The following SLC24A3 variants were observed in gnomAD, a reference collection of about 807,000 sequenced individuals.
The protein encoded by SLC24A3 is sodium/potassium/calcium exchanger 3.
SLC24A3 carries 28 observed loss-of-function variants against 75.8 expected under a neutral mutation model. The observed-to-expected ratio is 0.37, with a 90% CI of 0.27 to 0.51. The LOEUF (loss-of-function observed/expected upper bound fraction) is 0.51, where lower values mean the gene tolerates loss of function less well. SLC24A3 is among the 20% of genes least tolerant of loss of function. The probability of loss-of-function intolerance (pLI) is 0.94; values close to 1 mark genes in which losing one functional copy is unlikely to be tolerated. For missense variants in SLC24A3, 663 were observed against 847.8 expected (o/e 0.78, Z 2.71); for synonymous variants, 372 against 334.1 (o/e 1.11, Z -1.24).
intron 3 of SLC24A3, among the ~76,000 whole-genome samples, chr20:19,531,264 T>C (rs1458291865): frequency 6.6e-6 from 1 of 152,220 alleles, no homozygotes; most frequent in Non-Finnish European, 1.5e-5. Flanking sequence ...GAAGTTTTTC[T>C]AGAAGTTCCA....
intron 3 of SLC24A3, among the ~76,000 whole-genome samples, chr20:19,553,614 G>A (rs1016094284): frequency 6.6e-6 from 1 of 152,164 alleles, no homozygotes; most frequent in Non-Finnish European, 1.5e-5. Flanking sequence ...CTGGTGAGGT[G>A]TGTAAAACTA....
chr20:19,220,275 T>C (rs1317953802), intron 1 of SLC24A3, among the ~76,000 whole-genome samples: 1 of 152,248 alleles, frequency 6.6e-6, no homozygotes, highest in Non-Finnish European at 1.5e-5. Context: ...TCAGCTCATC[T>C]GTGACCTAAT....
intron 6 of SLC24A3, among the ~76,000 whole-genome samples, chr20:19,621,590 C>G (rs770811114): frequency 2.5e-4 from 38 of 152,160 alleles, no homozygotes; most frequent in Non-Finnish European, 2.8e-4. Context: ...CTTTTTACTT[C>G]TAGACCAATG....
In SLC24A3 at chr20:19,212,875, TCGCCGC is replaced by T. The variant is rs761595384; in HGVS notation, c.51_56del (p.Arg19_Arg20del). ...CGTCCGGCGACGAGGACCGCGCGCGTCGCCGCCGCCGCCGCCGCCGCCGGAGGGACC... is the reference window on the plus strand; with the variant it reads ...CGTCCGGCGACGAGGACCGCGCGCGTCGCCGCCGCCGCCGCCGGAGGGACC... On this transcript the variant is annotated inframe_deletion, in exon 1 of 17. Transcript: ENST00000328041. 1.3e-4 allele frequency: 167 copies of T among 1,254,382 alleles called. No individual in the cohort carries two copies. Among genetic ancestry groups the T allele is most frequent in the Middle Eastern group, 9.0e-4 (3 of 3,328 alleles). 77.7% of individuals were successfully genotyped at this position (1,254,382 alleles called of 1,614,324 possible).
rs149860403 is a variant in SLC24A3 at position 19,290,600 on chromosome 20, C to A, written c.271+9513C>A. ...CTGCTGGCATCTTGATCTTGGACTT[C>A]CCAGCCTTCAGAGCTGTGAGAAATA... On this transcript the variant is annotated intron_variant, in intron 2 of 16. Transcript: ENST00000328041. 2.0e-5 allele frequency among the ~76,000 whole-genome samples: 3 copies of A among 152,268 alleles called. No individual in the cohort carries two copies. The East Asian group carries it at 5.8e-4, about 29-fold the overall frequency.
intron 2 of SLC24A3, among the ~76,000 whole-genome samples, chr20:19,402,883 C>T (rs1212343269): frequency 1.3e-5 from 2 of 152,168 alleles, no homozygotes; most frequent in African/African-American, 4.8e-5. Flanking sequence ...ATGGTCTGCC[C>T]CAGTGGTGTC....
intron 3 of SLC24A3, among the ~76,000 whole-genome samples, chr20:19,566,086 C>T (rs1205558975): frequency 1.3e-5 from 2 of 152,192 alleles, no homozygotes; most frequent in Non-Finnish European, 2.9e-5. Context: ...CCAGGTACTG[C>T]TCTGGAACTA....
At chr20:19,354,593 T>TAA (rs1985641123) in intron 2 of SLC24A3, among the ~76,000 whole-genome samples, 1 of 124,710 alleles carries the variant, frequency 8.0e-6, no homozygotes, top group African/African-American at 4.0e-5. Context: ...TGTGTATGTG[T>TAA]GTGTGTGTGT....
chr20:19,347,770 A>T (rs1394781227), intron 2 of SLC24A3, among the ~76,000 whole-genome samples: 1 of 152,158 alleles, frequency 6.6e-6, no homozygotes, highest in Non-Finnish European at 1.5e-5. Context: ...GGGGCTGGTC[A>T]CTCTGTGTTT....
At chr20:19,671,459 G>T (rs534857557) in intron 8 of SLC24A3, among the ~76,000 whole-genome samples, 2 of 152,186 alleles carry the variant, frequency 1.3e-5, no homozygotes, top group Non-Finnish European at 2.9e-5. Flanking sequence ...AGTGAAAAAT[G>T]ACCTAGGGAG....
chr20:19,440,760 AGAAGAAC>A (rs377276259), intron 2 of SLC24A3, among the ~76,000 whole-genome samples: 94 of 152,028 alleles, frequency 6.2e-4, no homozygotes, highest in Middle Eastern at 3.4e-3. Flanking sequence ...CAGCAGAGGA[AGAAGAAC>A]GATGAGAGTG....
At chr20:19,325,263 A>C (rs114775921) in intron 2 of SLC24A3, among the ~76,000 whole-genome samples, 3,124 of 150,934 alleles carry the variant, frequency 0.021, 102 homozygotes, top group African/African-American at 0.073. Context: ...TCTGCACTAC[A>C]AAATAATAAT....
intron 1 of SLC24A3, among the ~76,000 whole-genome samples, chr20:19,214,330 GT>G (rs773481156): frequency 8.5e-5 from 13 of 152,184 alleles, no homozygotes; most frequent in Non-Finnish European, 1.6e-4. Context: ...CCGTGCCGGT[GT>G]GAGGGAAGCA....
chr20:19,404,494 G>A (rs956518332), intron 2 of SLC24A3, among the ~76,000 whole-genome samples: 3 of 152,198 alleles, frequency 2.0e-5, no homozygotes, highest in Admixed American at 6.5e-5. Flanking sequence ...CAGGAAACAA[G>A]AAATCCCCTG....
At chr20:19,673,810 A>G (rs1406971) in intron 9 of SLC24A3, among the ~76,000 whole-genome samples, 156 bp downstream of exon 9, 103,463 of 141,366 alleles carry the variant, frequency 0.73, 35,253 homozygotes, top group East Asian at 0.82. Flanking sequence ...GAGTCACTGT[A>G]ATTTTGATTA....
chr20:19,457,727 G>A (rs1303684977), intron 2 of SLC24A3, among the ~76,000 whole-genome samples: 1 of 152,290 alleles, frequency 6.6e-6, no homozygotes, highest in South Asian at 2.1e-4. Context: ...TTCCATTTGA[G>A]GACTCACATT....
chr20:19,239,396 G>C (rs1280931691), intron 1 of SLC24A3, among the ~76,000 whole-genome samples: 2 of 152,200 alleles, frequency 1.3e-5, no homozygotes, highest in African/African-American at 4.8e-5. Flanking sequence ...GCACCCCCAA[G>C]GCTGTCTCCC....
chr20:19,477,629 T>A (rs2122514783), intron 2 of SLC24A3, among the ~76,000 whole-genome samples: 1 of 152,252 alleles, frequency 6.6e-6, no homozygotes, highest in Non-Finnish European at 1.5e-5. Flanking sequence ...GTTTTTGGCT[T>A]TTGGTTCAAC....
At chr20:19,266,713 G>A (rs895202954) in intron 1 of SLC24A3, among the ~76,000 whole-genome samples, 1 of 152,082 alleles carries the variant, frequency 6.6e-6, no homozygotes, top group Non-Finnish European at 1.5e-5. Context: ...GGTTTGCAGG[G>A]GCAAATATAT....
Sources: gnomAD v4.1 joint callset for allele counts (sites outside exome capture counted in the v4.1 genomes callset) on GRCh38, gnomAD v4.1.1 for gene constraint, MANE v1.5 for transcripts, NCBI Gene and HGNC (gene_info 2026-07-23, HGNC 2026-07-21) for gene names.